The following NEDD4L variants were observed in gnomAD, a reference collection of about 807,000 sequenced individuals.
The protein encoded by NEDD4L is NEDD4 like E3 ubiquitin protein ligase.
In NEDD4L, 54 loss-of-function variants were observed where a neutral mutation model predicts 148.9. The observed-to-expected ratio is 0.36, with a 90% CI of 0.29 to 0.45. NEDD4L has a LOEUF of 0.45. Ranked by LOEUF, NEDD4L falls within the 20% of genes least tolerant of loss-of-function variation. The pLI is 1.00. For synonymous variants in NEDD4L, 433 were observed against 440.7 expected, an observed-to-expected ratio of 0.98 and a Z score of 0.22; for missense variants, 856 against 1,233.8, an observed-to-expected ratio of 0.69 and a Z score of 4.59.
chr18:58,142,795 G>A (rs1322662582), intron 1 of NEDD4L, among the ~76,000 whole-genome samples: 2 of 152,132 alleles, frequency 1.3e-5, no homozygotes, highest in African/African-American at 4.8e-5. Context: ...TGTAACAAAA[G>A]CAGCTTAAAA....
intron 5 of NEDD4L, among the ~76,000 whole-genome samples, chr18:58,305,673 T>C (rs1348948778): frequency 6.6e-6 from 1 of 152,376 alleles, no homozygotes; most frequent in East Asian, 1.9e-4. Context: ...TGGAAGTTTC[T>C]CCTCATCCTT....
intron 1 of NEDD4L, among the ~76,000 whole-genome samples, chr18:58,072,748 A>G (rs535631776): frequency 6.6e-6 from 1 of 152,330 alleles, no homozygotes; most frequent in African/African-American, 2.4e-5. Flanking sequence ...AAAATAAAAT[A>G]GTAATATAAA....
At chr18:58,203,556 G>T (rs1039897557) in intron 2 of NEDD4L, among the ~76,000 whole-genome samples, 1 of 151,770 alleles carries the variant, frequency 6.6e-6, no homozygotes, top group African/African-American at 2.4e-5. Context: ...TGGAATGTTG[G>T]TAAATGTATA....
At chr18:58,376,861 C>G (rs1361344369) in intron 24 of NEDD4L, among the ~76,000 whole-genome samples, 1 of 152,238 alleles carries the variant, frequency 6.6e-6, no homozygotes, top group Non-Finnish European at 1.5e-5. Flanking sequence ...CCCCACTGGG[C>G]TTGTCCAACA....
At chr18:58,307,872 G>C (rs891440826) in intron 5 of NEDD4L, among the ~76,000 whole-genome samples, 1 of 152,190 alleles carries the variant, frequency 6.6e-6, no homozygotes, top group Non-Finnish European at 1.5e-5. Flanking sequence ...ATTAAGATCT[G>C]TTCTTTGGTA....
chr18:58,300,551 G>A (rs1046628049), intron 5 of NEDD4L, among the ~76,000 whole-genome samples: 8 of 152,234 alleles, frequency 5.3e-5, no homozygotes, highest in Admixed American at 6.5e-5. Context: ...GGAATAGAGC[G>A]AAAGACAGAA....
intron 5 of NEDD4L, among the ~76,000 whole-genome samples, chr18:58,306,073 G>T (rs1205863118): frequency 6.6e-6 from 1 of 152,186 alleles, no homozygotes; most frequent in Admixed American, 6.5e-5. Flanking sequence ...ATGGAGGGTT[G>T]TGATTTAGAA....
intron 1 of NEDD4L, chr18:58,045,301 GT>G (rs2081524170): frequency 2.5e-6 from 1 of 396,306 alleles, no homozygotes; most frequent in East Asian, 3.6e-5. Flanking sequence ...CGGAGCCTCG[GT>G]GGGGGAGGTG....
chr18:58,075,226 G>A (rs1014223813), intron 1 of NEDD4L, among the ~76,000 whole-genome samples: 1 of 152,168 alleles, frequency 6.6e-6, no homozygotes, highest in African/African-American at 2.4e-5. Flanking sequence ...GTCTTGCTCT[G>A]TCGCCTTCGC....
intron 2 of NEDD4L, among the ~76,000 whole-genome samples, chr18:58,180,144 G>A (rs1038210835): frequency 2.6e-5 from 4 of 152,114 alleles, no homozygotes; most frequent in Admixed American, 1.3e-4. Context: ...TGGGTGAACG[G>A]GGGCACAGAG....
chr18:58,158,568 A>G lies in NEDD4L; in HGVS notation c.49-7220A>G, dbSNP rs554208375. On this transcript the variant is annotated intron_variant, in intron 1 of 30. Coordinates refer to ENST00000400345, the MANE Select transcript of NEDD4L (RefSeq NM_001144967.3). The stretch of plus-strand genomic sequence containing the variant: ...CTTGGCATAATAGCAGCCATTACCC[A>G]GTAGAAGTTGAGAGATTTAGGTTGC... Among the ~76,000 whole-genome samples, 4 of 152,254 alleles carry G rather than the reference A, an allele frequency of 2.6e-5. No homozygotes were observed. The East Asian group carries it at 5.8e-4, about 22-fold the overall frequency.
chr18:58,372,158 G>A (rs1601814808), intron 23 of NEDD4L: 1 of 152,138 alleles, frequency 6.6e-6, no homozygotes, highest in East Asian at 1.9e-4. Flanking sequence ...CTGTTTGCCA[G>A]GCTGGAGTAC....
At chr18:58,383,202 A>G (rs538253206) in intron 24 of NEDD4L, 44 bp from the exon 25 acceptor site, 36 of 979,246 alleles carry the variant, frequency 3.7e-5, no homozygotes, top group Admixed American at 3.2e-4. Context: ...AATATGCAAG[A>G]TAACTTCGTG....
chr18:58,250,349 CA>C (rs1462326881), intron 4 of NEDD4L, among the ~76,000 whole-genome samples: 1 of 152,098 alleles, frequency 6.6e-6, no homozygotes, highest in Non-Finnish European at 1.5e-5. Context: ...GAGGTTTCAC[CA>C]TGTTGGCCAG....
At chr18:58,357,612 C>T (rs879815291) in intron 19 of NEDD4L, among the ~76,000 whole-genome samples, 3 of 151,946 alleles carry the variant, frequency 2.0e-5, no homozygotes, top group Non-Finnish European at 4.4e-5. Context: ...TTCTTTAGGC[C>T]AGGAGTAGTA....
chr18:58,348,331 T>C (rs1328257357), intron 16 of NEDD4L, among the ~76,000 whole-genome samples: 14 of 62,236 alleles, frequency 2.2e-4, no homozygotes, highest in Admixed American at 1.2e-3. Context: ...TTTTTCTTTT[T>C]TTTTTTTTTT....
In NEDD4L at chr18:58,396,169, TTAA is replaced by T; in HGVS notation, c.2830_2832del (p.Asn944del). The T allele has an allele frequency of 6.2e-7, 1 of 1,611,438 alleles. No individual in the cohort carries two copies. Among genetic ancestry groups the T allele is most frequent in the East Asian group, 2.2e-5 (1 of 44,854 alleles). Reference sequence around the variant, plus strand: ...TACACTTTTTGTTCCTTTTGCAGCTTTAATCGCCTTGACTTACCTCCATATGAA... The same window carrying T: ...TACACTTTTTGTTCCTTTTGCAGCTTTCGCCTTGACTTACCTCCATATGAA... On this transcript the variant is annotated inframe_deletion, in exon 31 of 31. Transcript: ENST00000400345.
chr18:58,251,911 T>C (rs949595728), intron 4 of NEDD4L, 90 bp from the exon 5 acceptor site: 1 of 755,490 alleles, frequency 1.3e-6, no homozygotes, highest in East Asian at 2.5e-5. Context: ...TTGGGCGCAT[T>C]GTAAAGCAGT....
chr18:58,174,552 A>G (rs1351687812), intron 2 of NEDD4L, among the ~76,000 whole-genome samples: 1 of 152,126 alleles, frequency 6.6e-6, no homozygotes, highest in Non-Finnish European at 1.5e-5. Flanking sequence ...ACCACATTCC[A>G]TCGTGTCCTG....
Sources: gnomAD v4.1 joint callset for allele counts (sites outside exome capture counted in the v4.1 genomes callset) on GRCh38, gnomAD v4.1.1 for gene constraint, MANE v1.5 for transcripts, NCBI Gene and HGNC (gene_info 2026-07-23, HGNC 2026-07-21) for gene names.